PTPRN2: variants seen among roughly 807,000 people sequenced by gnomAD.
The protein encoded by PTPRN2 is receptor-type tyrosine-protein phosphatase N2.
In PTPRN2, 74 loss-of-function variants were observed where a neutral mutation model predicts 118.8. The observed-to-expected ratio is 0.62, with a 90% CI of 0.52 to 0.76. The LOEUF (loss-of-function observed/expected upper bound fraction) is 0.76, where lower values mean the gene tolerates loss of function less well. Ranked by LOEUF, PTPRN2 falls within the 30% of genes least tolerant of loss-of-function variation. The probability of loss-of-function intolerance (pLI) is 0.00; values close to 1 mark genes in which losing one functional copy is unlikely to be tolerated. For synonymous variants in PTPRN2, 641 were observed against 608.0 expected (o/e 1.05, Z -0.80); for missense variants, 1,481 against 1,394.4 (o/e 1.06, Z -0.99).
rs773709520 is a variant in PTPRN2, at chr7:157,780,628, T to G, written c.1789-97691A>C. Among the ~76,000 whole-genome samples, 50 of 152,208 alleles carry G rather than the reference T, an allele frequency of 3.3e-4. No homozygotes were observed. Among genetic ancestry groups the G allele is most frequent in the Non-Finnish European group, 6.2e-4 (42 of 68,034 alleles). Reference sequence around the variant, plus strand: ...GCCCCTGGACAAGGGACTGCCTTCCTCTGTGCCTCAGTTTCCCTGTTTGCA... The same window carrying G: ...GCCCCTGGACAAGGGACTGCCTTCCGCTGTGCCTCAGTTTCCCTGTTTGCA... On this transcript the variant is annotated intron_variant, in intron 12 of 22. Transcript: ENST00000389418. This position sits in a 1 kb window ranked among gnomAD's most constrained non-coding sequence, Gnocchi z 4.5.
intron 2 of PTPRN2, among the ~76,000 whole-genome samples, chr7:158,322,253 G>A (rs1803085985): frequency 6.6e-6 from 1 of 152,192 alleles, no homozygotes; most frequent in African/African-American, 2.4e-5. Flanking sequence ...AGAAAAAGCA[G>A]ACACTGCAGG....
chr7:158,298,087 CATTA>C (rs1035232242), intron 3 of PTPRN2, among the ~76,000 whole-genome samples: 9 of 152,080 alleles, frequency 5.9e-5, no homozygotes, highest in African/African-American at 1.9e-4. Context: ...TTTTTCCTCT[CATTA>C]ATTGTGTACT....
At chr7:157,691,632 A>C (rs1797502993) in intron 12 of PTPRN2, among the ~76,000 whole-genome samples, 1 of 152,180 alleles carries the variant, frequency 6.6e-6, no homozygotes, top group Admixed American at 6.5e-5. Context: ...CCGAAGGGAG[A>C]CGGCGGTGAA....
chr7:158,494,253 G>A (rs1433636099), intron 1 of PTPRN2, among the ~76,000 whole-genome samples: 1 of 152,222 alleles, frequency 6.6e-6, no homozygotes, highest in Non-Finnish European at 1.5e-5. Context: ...TCTGGGCGTC[G>A]CTGTGGCCAA....
At position 158,544,944 on chromosome 7, in the gene PTPRN2, C is replaced by T. The variant is rs1265115369; in HGVS notation, c.112+42614G>A. 2.0e-5 allele frequency among the ~76,000 whole-genome samples: 3 copies of T among 152,202 alleles called. No individual in the cohort carries two copies. The highest frequency in any genetic ancestry group is 4.8e-5 in the African/African-American group (2 of 41,460). On this transcript the variant is annotated intron_variant, in intron 1 of 22. Transcript: ENST00000389418. The surrounding 1 kb of genome is among the most constrained non-coding windows in gnomAD (Gnocchi z 4.2). ...CTCTTTCTTCTTGTGGAAAGCCCCA[C>T]GTGGAGCAGAGGGGCATCTGGAGCT...
chr7:157,755,515 T>A (rs1171834776), intron 12 of PTPRN2, among the ~76,000 whole-genome samples: 4 of 152,116 alleles, frequency 2.6e-5, no homozygotes, highest in Admixed American at 2.6e-4. Context: ...GAAAATGTGG[T>A]CCATATACAC....
At chr7:158,550,915 C>T (rs992421674) in intron 1 of PTPRN2, among the ~76,000 whole-genome samples, 1 of 152,218 alleles carries the variant, frequency 6.6e-6, no homozygotes, top group Admixed American at 6.5e-5. Flanking sequence ...CACCCCTCCA[C>T]GGACATCTGG....
In PTPRN2 at chr7:157,845,731, G is replaced by A. The variant is rs1808758328; in HGVS notation, c.1788+52942C>T. 6.6e-6 allele frequency among the ~76,000 whole-genome samples: 1 copy of A among 152,212 alleles called. No homozygotes were observed. Among genetic ancestry groups the A allele is most frequent in the Non-Finnish European group, 1.5e-5 (1 of 68,048 alleles). On this transcript the variant is annotated intron_variant, in intron 12 of 22. Coordinates refer to ENST00000389418, the MANE Select transcript of PTPRN2 (RefSeq NM_002847.5). This position sits in a 1 kb window ranked among gnomAD's most constrained non-coding sequence, Gnocchi z 4.5. The stretch of plus-strand genomic sequence containing the variant: ...GAGCTGAGGCCCCAGAGAGGTCCCT[G>A]TGCTCATGACTCACAGAGACGGGGA...
rs145446475 is a variant in PTPRN2 at position 158,316,284 on chromosome 7, T to A, written c.277+535A>T. 2.1e-3 allele frequency among the ~76,000 whole-genome samples: 322 copies of A among 152,330 alleles called. 3 individuals are homozygous for A. The highest frequency in any genetic ancestry group is 7.5e-3 in the African/African-American group (313 of 41,584). On this transcript the variant is annotated intron_variant, in intron 3 of 22. Coordinates refer to ENST00000389418, the MANE Select transcript of PTPRN2 (RefSeq NM_002847.5). ...CATCACCATGGTGTCCACACAGCAC[T>A]GCTTCTGACCAAGAGCCCTCACTTC...
At chr7:158,013,516 C>A (rs1175002995) in intron 11 of PTPRN2, among the ~76,000 whole-genome samples, 2 of 151,930 alleles carry the variant, frequency 1.3e-5, no homozygotes, top group Non-Finnish European at 2.9e-5. Context: ...ATCTGTTCAT[C>A]CATCCATCCC....
At chr7:158,055,940 C>A (rs571705389) in intron 11 of PTPRN2, among the ~76,000 whole-genome samples, 2 of 152,308 alleles carry the variant, frequency 1.3e-5, no homozygotes, top group South Asian at 4.1e-4. Context: ...AACCCACTGA[C>A]CCTGTGGGGC....
At chr7:158,104,151 G>C (rs181181097) in intron 10 of PTPRN2, among the ~76,000 whole-genome samples, 4 of 152,168 alleles carry the variant, frequency 2.6e-5, no homozygotes, top group Non-Finnish European at 5.9e-5. Context: ...ATGAGCCACC[G>C]TGCCTGGCCT....
Position 158,387,645 on chromosome 7 carries a change from C to T in PTPRN2, c.164-70713G>A, listed in dbSNP as rs140960913. 9.8e-3 allele frequency among the ~76,000 whole-genome samples: 1,489 copies of T among 152,362 alleles called. 11 individuals carry two copies. The highest frequency in any genetic ancestry group is 0.016 in the Non-Finnish European group (1,083 of 68,018). ...GCTGCTGTGAGGCCCTGGGAAGACGCGGTGGCCACCACCATCTGCTGAATC... is the reference window on the plus strand; with the variant it reads ...GCTGCTGTGAGGCCCTGGGAAGACGTGGTGGCCACCACCATCTGCTGAATC... On this transcript the variant is annotated intron_variant, in intron 2 of 22. Transcript: ENST00000389418.
At chr7:158,168,091 CACAA>C (rs1396972030) in intron 5 of PTPRN2, among the ~76,000 whole-genome samples, 3 of 152,222 alleles carry the variant, frequency 2.0e-5, no homozygotes, top group Non-Finnish European at 4.4e-5. Flanking sequence ...ACAGCAGCAC[CACAA>C]ACAATCTCAC....
At chr7:157,759,063 T>C (rs181921593) in intron 12 of PTPRN2, among the ~76,000 whole-genome samples, 31 of 152,362 alleles carry the variant, frequency 2.0e-4, no homozygotes, top group African/African-American at 7.2e-4. Context: ...CAAGTGACTC[T>C]ATTATTCCTC....
At position 157,794,893 on chromosome 7, in the gene PTPRN2, AC is replaced by A. The variant is rs1804765195; in HGVS notation, c.1788+103779del. On this transcript the variant is annotated intron_variant, in intron 12 of 22. Transcript: ENST00000389418. This position sits in a 1 kb window ranked among gnomAD's most constrained non-coding sequence, Gnocchi z 5.2. ...ACTCATTGTCATGCTAAAGCACATC[AC>A]CTCGGTCCTCAGAGAGGAGGGATTT... 6.6e-6 allele frequency among the ~76,000 whole-genome samples: 1 copy of A among 152,196 alleles called. No individual in the cohort carries two copies. Among genetic ancestry groups the A allele is most frequent in the Admixed American group, 6.5e-5 (1 of 15,280 alleles).
At chr7:158,361,704 A>T (rs1429845492) in intron 2 of PTPRN2, among the ~76,000 whole-genome samples, 1 of 152,162 alleles carries the variant, frequency 6.6e-6, no homozygotes, top group East Asian at 1.9e-4. Context: ...CTCCTGGGGG[A>T]TCCTAGGCAG....
chr7:158,118,213 G>C (rs1039514156), intron 9 of PTPRN2, among the ~76,000 whole-genome samples: 4 of 151,958 alleles, frequency 2.6e-5, no homozygotes, highest in Non-Finnish European at 5.9e-5. Context: ...TTATATCCTG[G>C]GACATACAAT....
At chr7:157,557,240 C>T (rs1798945027) in intron 21 of PTPRN2, among the ~76,000 whole-genome samples, 1 of 151,676 alleles carries the variant, frequency 6.6e-6, no homozygotes, top group Admixed American at 6.6e-5. Context: ...CACACACACA[C>T]ACAGGCATGC....
Sources: allele counts gnomAD v4.1 joint callset (sites outside exome capture counted in the v4.1 genomes callset), GRCh38; gene constraint gnomAD v4.1.1; non-coding constraint Gnocchi (gnomAD v3.1); transcripts MANE v1.5; gene names NCBI Gene and HGNC (gene_info 2026-07-23, HGNC 2026-07-21).